Variants in SCAI observed in about 807,000 individuals in gnomAD.
The protein encoded by SCAI is suppressor of cancer cell invasion, also known as protein SCAI.
Under a neutral mutation model 92.2 loss-of-function variants are expected in SCAI, and 24 were observed. The ratio of observed to expected loss-of-function variants is 0.26; its 90% confidence interval spans 0.19 to 0.37. The LOEUF (loss-of-function observed/expected upper bound fraction) is 0.37. SCAI is among the 10% of genes least tolerant of loss of function. The probability of loss-of-function intolerance (pLI) is 1.00; values close to 1 mark genes in which losing one functional copy is unlikely to be tolerated. For synonymous variants in SCAI, 261 were observed against 258.6 expected (o/e 1.01, Z -0.09); for missense variants, 450 against 736.2 (o/e 0.61, Z 4.50).
intron 9 of SCAI, among the ~76,000 whole-genome samples, chr9:125,013,030 G>T (rs1282256884): frequency 6.6e-6 from 1 of 152,034 alleles, no homozygotes; most frequent in African/African-American, 2.4e-5. Flanking sequence ...ATTCAAAGCA[G>T]TGTGTAGAGG....
At chr9:124,959,082 T>G (rs771005523) in intron 17 of SCAI, among the ~76,000 whole-genome samples, 8 of 151,676 alleles carry the variant, frequency 5.3e-5, no homozygotes, top group Non-Finnish European at 8.8e-5. Flanking sequence ...TTTTAAGAAT[T>G]TTGTTCCCCT....
chr9:125,015,692 T>A (rs1233303059), intron 9 of SCAI, among the ~76,000 whole-genome samples: 1 of 152,030 alleles, frequency 6.6e-6, no homozygotes, highest in Non-Finnish European at 1.5e-5. Flanking sequence ...ATATACCCAA[T>A]GGACTATAAA....
At chr9:124,981,096 C>T (rs1032998351) in intron 14 of SCAI, among the ~76,000 whole-genome samples, 16 of 151,982 alleles carry the variant, frequency 1.1e-4, no homozygotes, top group South Asian at 4.1e-4. Flanking sequence ...ATGAAGTGTA[C>T]GATTCAAAGC....
intron 2 of SCAI, among the ~76,000 whole-genome samples, chr9:125,077,105 C>A (rs1208394511): frequency 2.0e-5 from 3 of 152,184 alleles, no homozygotes; most frequent in Non-Finnish European, 1.5e-5. Context: ...CGCCACTGCA[C>A]TCAGGCTTGG....
At chr9:125,125,992 A>C (rs898712632) in intron 2 of SCAI, among the ~76,000 whole-genome samples, 1 of 151,908 alleles carries the variant, frequency 6.6e-6, no homozygotes, top group Non-Finnish European at 1.5e-5. Context: ...AGGATAAGAG[A>C]AATCTTAGCT....
rs752661656 is a variant in SCAI at position 124,976,109 on chromosome 9, C to T, written c.1399+5G>A. On this transcript the variant is annotated splice_donor_5th_base_variant and intron_variant, in intron 15 of 17. Coordinates refer to ENST00000336505, the MANE Select transcript of SCAI (RefSeq NM_001144877.3). ...ATGGCTATACCAGGCAATGAGGGTA[C>T]ATACCTTGTAAAGCTTTTGGATATG... The T allele has an allele frequency of 6.3e-7, 1 of 1,589,904 alleles. No homozygotes were observed. Among genetic ancestry groups the T allele is most frequent in the South Asian group, 1.1e-5 (1 of 90,628 alleles).
rs965234435 is a variant in SCAI at position 125,143,499 on chromosome 9, G to A, written c.-62C>T. On this transcript the variant is annotated 5_prime_UTR_variant, in exon 1 of 18. Transcript: ENST00000336505. ...CCGCAGGGCTCGCTCGGGAAGCTGA[G>A]GCGGCGGAGGCTGGAGTAGGCGGAG... 6 of 1,290,464 alleles carry A rather than the reference G, an allele frequency of 4.6e-6. No homozygotes were observed. The highest frequency in any genetic ancestry group is 6.3e-5 in the East Asian group (2 of 31,720). 79.9% of individuals were successfully genotyped at this position (1,290,464 alleles called of 1,614,324 possible). A position where few individuals can be genotyped will look rare whatever the true frequency, so the allele number is the denominator to read the frequency against.
intron 13 of SCAI, among the ~76,000 whole-genome samples, chr9:124,996,578 C>T (rs150249903): frequency 1.1e-3 from 172 of 152,132 alleles, no homozygotes; most frequent in African/African-American, 3.9e-3. Context: ...GCTGAGATTA[C>T]GGGAATGAGC....
intron 15 of SCAI, 63 bp from the exon 16 acceptor site, chr9:124,971,907 G>T: frequency 1.1e-6 from 1 of 935,786 alleles, no homozygotes; most frequent in Non-Finnish European, 1.5e-6. Context: ...AGATACATAT[G>T]AGGAACATTT....
rs563060366 is a variant in SCAI at position 125,070,945 on chromosome 9, G to A, written c.99-14938C>T. Among the ~76,000 whole-genome samples, 3 of 152,238 alleles carry A rather than the reference G, an allele frequency of 2.0e-5. No individual in the cohort carries two copies. The South Asian group carries it at 6.2e-4, about 32-fold the overall frequency. On this transcript the variant is annotated intron_variant, in intron 2 of 17. Transcript: ENST00000336505. ...GGAGGGACCCGGCGAGAGATAATTG[G>A]ATCATGGGGGCGGTTTCCCCCATAC...
At chr9:125,063,417 GA>G (rs1209923090) in intron 2 of SCAI, among the ~76,000 whole-genome samples, 5 of 148,348 alleles carry the variant, frequency 3.4e-5, no homozygotes, top group Admixed American at 1.3e-4. Context: ...ATATAGAAAA[GA>G]CAGGACAAAT....
chr9:125,082,677 G>T (rs1259767641), intron 2 of SCAI, among the ~76,000 whole-genome samples: 2 of 152,222 alleles, frequency 1.3e-5, no homozygotes, highest in Non-Finnish European at 2.9e-5. Context: ...AGCATGACCT[G>T]GGTGTGAGAC....
At chr9:125,004,750 TATATA>T (rs1832442967) in intron 9 of SCAI, among the ~76,000 whole-genome samples, 1 of 14,964 alleles carries the variant, frequency 6.7e-5, no homozygotes, top group Admixed American at 1.0e-3. Context: ...TATATATATA[TATATA>T]TATATATATA....
intron 13 of SCAI, among the ~76,000 whole-genome samples, chr9:124,998,686 A>G (rs747379570): frequency 1.3e-5 from 2 of 152,074 alleles, no homozygotes; most frequent in Non-Finnish European, 2.9e-5. Flanking sequence ...CTGGAGCACA[A>G]TCTCAGTTCA....
At chr9:125,087,870 G>T (rs1834355874) in intron 2 of SCAI, among the ~76,000 whole-genome samples, 1 of 152,072 alleles carries the variant, frequency 6.6e-6, no homozygotes, top group Non-Finnish European at 1.5e-5. Flanking sequence ...GTGATACCTA[G>T]AATTTGCTTC....
At chr9:124,990,877 G>A (rs1225075714) in intron 14 of SCAI, among the ~76,000 whole-genome samples, 1 of 152,120 alleles carries the variant, frequency 6.6e-6, no homozygotes, top group African/African-American at 2.4e-5. Context: ...CACCAGGACA[G>A]CACAATACAG....
At chr9:125,100,034 T>C (rs1265762918) in intron 2 of SCAI, among the ~76,000 whole-genome samples, 2 of 152,260 alleles carry the variant, frequency 1.3e-5, no homozygotes, top group African/African-American at 2.4e-5. Context: ...CTGCTTTCAA[T>C]TTATCTGGGC....
intron 3 of SCAI, among the ~76,000 whole-genome samples, chr9:125,055,016 T>G: frequency 6.6e-6 from 1 of 152,200 alleles, no homozygotes; most frequent in East Asian, 1.9e-4. Flanking sequence ...GAATGGTATT[T>G]GAAAAATTCA....
chr9:125,032,186 TATATATA>T (rs1833086705), intron 3 of SCAI, among the ~76,000 whole-genome samples: 7 of 81,952 alleles, frequency 8.5e-5, no homozygotes, highest in African/African-American at 3.5e-4. Flanking sequence ...TATATATATA[TATATATA>T]TATTTTTTTT....
Sources: allele counts gnomAD v4.1 joint callset (sites outside exome capture counted in the v4.1 genomes callset), GRCh38; gene constraint gnomAD v4.1.1; transcripts MANE v1.5; gene names NCBI Gene and HGNC (gene_info 2026-07-23, HGNC 2026-07-21).